Variants in LYPD6B observed in about 807,000 individuals in gnomAD.
LYPD6B encodes ly6/PLAUR domain-containing protein 6B.
Under a neutral mutation model 22.8 loss-of-function variants are expected in LYPD6B, and 17 were observed. The ratio of observed to expected loss-of-function variants is 0.75; its 90% CI spans 0.51 to 1.12. The LOEUF is 1.12. Ranked by LOEUF, LYPD6B falls within the 50% of genes most tolerant of loss-of-function variation. LYPD6B has a pLI of 0.00. For missense variants in LYPD6B, 221 were observed against 258.3 expected, an observed-to-expected ratio of 0.86 and a Z score of 0.99; for synonymous variants, 106 against 91.6, an observed-to-expected ratio of 1.16 and a Z score of -0.90.
intron 4 of LYPD6B, among the ~76,000 whole-genome samples, chr2:149,208,021 C>G (rs1463117602): frequency 6.6e-6 from 1 of 152,040 alleles, no homozygotes; most frequent in African/African-American, 2.4e-5. Flanking sequence ...CCTACTTATT[C>G]CCAAATTATA....
intron 3 of LYPD6B, among the ~76,000 whole-genome samples, chr2:149,177,115 C>T (rs1334415467): frequency 1.3e-5 from 2 of 152,132 alleles, no homozygotes; most frequent in Admixed American, 6.6e-5. Flanking sequence ...ACCAAATGCG[C>T]AGTCTGGGTT....
intron 1 of LYPD6B, among the ~76,000 whole-genome samples, chr2:149,129,899 C>T (rs1056581536): frequency 4.0e-5 from 6 of 149,082 alleles, no homozygotes; most frequent in African/African-American, 1.5e-4. Context: ...GCCAACAAGG[C>T]GTGGTGTCTG....
chr2:149,164,892 A>G (rs1690319767), intron 3 of LYPD6B, among the ~76,000 whole-genome samples: 1 of 152,220 alleles, frequency 6.6e-6, no homozygotes, highest in African/African-American at 2.4e-5. Context: ...TGCATCAGTT[A>G]TCTATTGCAC....
At chr2:149,061,773 A>T (rs1684094180) in intron 1 of LYPD6B, among the ~76,000 whole-genome samples, 1 of 152,172 alleles carries the variant, frequency 6.6e-6, no homozygotes. Flanking sequence ...GACAGGCAAG[A>T]CATTCTTATA....
chr2:149,196,947 C>T (rs1425616745), intron 3 of LYPD6B, among the ~76,000 whole-genome samples: 3 of 152,196 alleles, frequency 2.0e-5, no homozygotes, highest in Non-Finnish European at 4.4e-5. Context: ...ATACACTCCT[C>T]CACTCAACCA....
chr2:149,203,711 A>C (rs1382002996), intron 3 of LYPD6B, among the ~76,000 whole-genome samples: 1 of 152,220 alleles, frequency 6.6e-6, no homozygotes, highest in Admixed American at 6.5e-5. Flanking sequence ...TACTCACAAA[A>C]GTGGTTGCTG....
chr2:149,198,073 C>T (rs1216193368), intron 3 of LYPD6B, among the ~76,000 whole-genome samples: 2 of 150,348 alleles, frequency 1.3e-5, no homozygotes, highest in African/African-American at 2.5e-5. Context: ...GACAGAGTCT[C>T]GCTCTGTCAC....
intron 1 of LYPD6B, among the ~76,000 whole-genome samples, chr2:149,041,460 C>A (rs79116283): frequency 2.2e-4 from 33 of 152,156 alleles, no homozygotes; most frequent in Non-Finnish European, 2.6e-4. Flanking sequence ...ACCCTGAAAC[C>A]AGTCATTGGC....
intron 1 of LYPD6B, among the ~76,000 whole-genome samples, chr2:149,068,231 G>A (rs1684431882): frequency 6.6e-6 from 1 of 152,030 alleles, no homozygotes; most frequent in Non-Finnish European, 1.5e-5. Flanking sequence ...GCTTTGTTTT[G>A]GAATACATCA....
At chr2:149,170,683 A>T (rs140763002) in intron 3 of LYPD6B, among the ~76,000 whole-genome samples, 1 of 152,348 alleles carries the variant, frequency 6.6e-6, no homozygotes, top group African/African-American at 2.4e-5. Context: ...AAAACCTGGC[A>T]TGTAGAAAAT....
intron 3 of LYPD6B, among the ~76,000 whole-genome samples, chr2:149,199,146 C>T (rs1338652899): frequency 6.6e-6 from 1 of 152,202 alleles, no homozygotes; most frequent in Admixed American, 6.5e-5. Flanking sequence ...CCTAAGATTT[C>T]TTGAACCCCA....
intron 1 of LYPD6B, among the ~76,000 whole-genome samples, chr2:149,069,464 T>C (rs865818506): frequency 3.9e-5 from 6 of 152,060 alleles, no homozygotes; most frequent in Non-Finnish European, 8.8e-5. Context: ...TTGGTTAGGA[T>C]TGAATAGAAT....
chr2:149,155,888 T>G (rs1689671164), intron 2 of LYPD6B, among the ~76,000 whole-genome samples: 1 of 152,124 alleles, frequency 6.6e-6, no homozygotes, highest in Admixed American at 6.5e-5. Flanking sequence ...ACTCTTCCAG[T>G]GAAGGAAAAA....
intron 1 of LYPD6B, among the ~76,000 whole-genome samples, chr2:149,119,364 T>A (rs568959953): frequency 6.6e-6 from 1 of 152,380 alleles, no homozygotes; most frequent in South Asian, 2.1e-4. Flanking sequence ...TGTCTGTAAA[T>A]GTGTTTTGTT....
At chr2:149,200,443 T>C (rs893710916) in intron 3 of LYPD6B, among the ~76,000 whole-genome samples, 1 of 152,124 alleles carries the variant, frequency 6.6e-6, no homozygotes, top group Admixed American at 6.5e-5. Context: ...TTATAGGTCA[T>C]AGCTAATGAG....
At chr2:149,204,752 G>A (rs944605553) in intron 3 of LYPD6B, 1 of 152,734 alleles carries the variant, frequency 6.5e-6, no homozygotes, top group Non-Finnish European at 1.5e-5. Context: ...CCTTTCCCCT[G>A]CTGTCCTTCT....
intron 1 of LYPD6B, among the ~76,000 whole-genome samples, chr2:149,076,623 TA>T (rs1384671775): frequency 1.3e-5 from 2 of 152,158 alleles, no homozygotes; most frequent in African/African-American, 4.8e-5. Context: ...TGTTTTCAGT[TA>T]GGTATGAGGC....
intron 4 of LYPD6B, chr2:149,206,126 A>C: frequency 2.6e-6 from 1 of 382,008 alleles, no homozygotes; most frequent in Admixed American, 3.3e-5. Context: ...GAAGAGTATC[A>C]GAATCATGAT....
chr2:149,046,710 TTTAA>T lies in LYPD6B; in HGVS notation c.-67+7917_-67+7920del, dbSNP rs57277498. ...TGCTCTAGAGTTAATAATATGTATCTTTAATTAATTAGAGTCTACTTTCAAGTAG... is the reference window on the plus strand; with the variant it reads ...TGCTCTAGAGTTAATAATATGTATCTTTAATTAGAGTCTACTTTCAAGTAG... On this transcript the variant is annotated intron_variant, in intron 1 of 6. Coordinates refer to ENST00000409642, the MANE Select transcript of LYPD6B (RefSeq NM_177964.5). 1.2e-3 allele frequency among the ~76,000 whole-genome samples: 179 copies of T among 152,316 alleles called. 3 individuals carry two copies. In the East Asian group the frequency reaches 0.025, roughly 21 times the overall value.
Sources: gnomAD v4.1 joint callset for allele counts (sites outside exome capture counted in the v4.1 genomes callset) on GRCh38, gnomAD v4.1.1 for gene constraint, MANE v1.5 for transcripts, NCBI Gene and HGNC (gene_info 2026-07-23, HGNC 2026-07-21) for gene names.